The following TMEM131L variants were observed in gnomAD, a reference collection of about 807,000 sequenced individuals.
The protein encoded by TMEM131L is transmembrane protein 131-like.
Under a neutral mutation model 192.2 loss-of-function variants are expected in TMEM131L, and 54 were observed. The observed-to-expected ratio is 0.28, with a 90% CI of 0.23 to 0.35. TMEM131L has a LOEUF of 0.35. Among genes scored for constraint, TMEM131L ranks in the 10% least tolerant of loss-of-function variants. TMEM131L has a pLI of 1.00. For missense variants in TMEM131L, 1,888 were observed against 1,972.9 expected, an observed-to-expected ratio of 0.96 and a Z score of 0.82; for synonymous variants, 701 against 704.9, an observed-to-expected ratio of 0.99 and a Z score of 0.09.
intron 3 of TMEM131L, among the ~76,000 whole-genome samples, chr4:153,500,275 A>G (rs577998447): frequency 1.3e-5 from 2 of 151,838 alleles, no homozygotes; most frequent in African/African-American, 4.8e-5. Flanking sequence ...GCTAATTTTT[A>G]TATATTCCTT....
chr4:153,531,728 T>C (rs908403180), intron 3 of TMEM131L, among the ~76,000 whole-genome samples: 3 of 152,184 alleles, frequency 2.0e-5, no homozygotes, highest in East Asian at 1.9e-4. Flanking sequence ...TTATTTAAAA[T>C]CCGGAAATGC....
chr4:153,489,344 C>G (rs1299363752), intron 3 of TMEM131L, among the ~76,000 whole-genome samples: 1 of 152,184 alleles, frequency 6.6e-6, no homozygotes, highest in Non-Finnish European at 1.5e-5. Context: ...CTGCAAAACC[C>G]ACGCAGTTTC....
chr4:153,542,282 G>A (rs1736846179), intron 3 of TMEM131L, among the ~76,000 whole-genome samples: 1 of 152,182 alleles, frequency 6.6e-6, no homozygotes, highest in Admixed American at 6.5e-5. Flanking sequence ...AGGTAGTGGG[G>A]AGGTTTCCTG....
At chr4:153,469,895 C>T (rs944574306) in intron 2 of TMEM131L, among the ~76,000 whole-genome samples, 17 of 152,030 alleles carry the variant, frequency 1.1e-4, no homozygotes, top group African/African-American at 4.1e-4. Flanking sequence ...TGAAGCACTC[C>T]AGCCTGGGCA....
At chr4:153,596,192 T>A (rs1282035992) in intron 19 of TMEM131L, 66 bp from the exon 20 acceptor site, 4 of 1,568,008 alleles carry the variant, frequency 2.6e-6, no homozygotes, top group Non-Finnish European at 3.5e-6. Flanking sequence ...AACTCTAGGA[T>A]GCACTTAATG....
chr4:153,562,611 G>A (rs76297654), intron 7 of TMEM131L, among the ~76,000 whole-genome samples: 3,761 of 152,268 alleles, frequency 0.025, 150 homozygotes, highest in African/African-American at 0.085. Context: ...GGGTTGGGGA[G>A]TTAGTGGATT....
chr4:153,582,748 G>C (rs1561212893), intron 9 of TMEM131L, among the ~76,000 whole-genome samples: 1 of 152,076 alleles, frequency 6.6e-6, no homozygotes, highest in African/African-American at 2.4e-5. Flanking sequence ...CACTTCTGTG[G>C]GTGAGGGCTA....
chr4:153,583,824 A>G lies in TMEM131L; in HGVS notation c.1060+152A>G, dbSNP rs1578799618. On this transcript the variant is annotated intron_variant, in intron 11 of 34. Coordinates refer to ENST00000409959, the MANE Select transcript of TMEM131L (RefSeq NM_001131007.2). The stretch of plus-strand genomic sequence containing the variant: ...GTCCCAGCCTTAGTAGTTCTAAGAT[A>G]GTATGATGTAGAAACTATTGTTGAT... 12 of 600,296 alleles carry G rather than the reference A, an allele frequency of 2.0e-5. No homozygotes were observed. The South Asian group carries it at 2.4e-4, about 12-fold the overall frequency. 37.2% of individuals were successfully genotyped at this position (600,296 alleles called of 1,614,324 possible). A position where few individuals can be genotyped will look rare whatever the true frequency, so the allele number is the denominator to read the frequency against.
rs1293365556 is a variant in TMEM131L at position 153,604,482 on chromosome 4, T to G, written c.3418+52T>G. The G allele has an allele frequency of 2.0e-6, 3 of 1,506,514 alleles. No individual in the cohort carries two copies. In the African/African-American group the frequency reaches 4.2e-5, roughly 21 times the overall value. 93.3% of individuals were successfully genotyped at this position (1,506,514 alleles called of 1,614,324 possible). ...TCTCTCCTGTTTGTACCCAGTCTGT[T>G]TTTAATGGAATTGTTCTCACCTGTG... is the stretch of plus-strand genomic sequence containing the variant. On this transcript the variant is annotated intron_variant, in intron 25 of 34. Coordinates refer to ENST00000409959, the MANE Select transcript of TMEM131L (RefSeq NM_001131007.2).
intron 3 of TMEM131L, among the ~76,000 whole-genome samples, chr4:153,528,636 C>T (rs1259976020): frequency 6.6e-6 from 1 of 152,158 alleles, no homozygotes; most frequent in Admixed American, 6.5e-5. Context: ...AGAACCTGGT[C>T]TCTTATAGGT....
intron 3 of TMEM131L, among the ~76,000 whole-genome samples, chr4:153,487,364 A>C (rs1045276393): frequency 2.6e-5 from 4 of 151,988 alleles, no homozygotes; most frequent in African/African-American, 7.3e-5. Flanking sequence ...TAGCTGGTGG[A>C]TCGAGTGTGT....
intron 3 of TMEM131L, among the ~76,000 whole-genome samples, chr4:153,527,518 C>A (rs1304727114): frequency 6.6e-6 from 1 of 150,944 alleles, no homozygotes; most frequent in African/African-American, 2.5e-5. Context: ...CTCAAGTGAT[C>A]CGCTTGCCTT....
At chr4:153,560,070 G>T (rs1580215004) in intron 7 of TMEM131L, among the ~76,000 whole-genome samples, 2 of 151,944 alleles carry the variant, frequency 1.3e-5, no homozygotes, top group African/African-American at 4.8e-5. Flanking sequence ...ACTCACACTT[G>T]AGCTCTTCAG....
At chr4:153,524,718 G>A (rs946183462) in intron 3 of TMEM131L, among the ~76,000 whole-genome samples, 4 of 152,162 alleles carry the variant, frequency 2.6e-5, no homozygotes, top group African/African-American at 9.7e-5. Flanking sequence ...TGGCCTGGAG[G>A]AGGAGAAATT....
intron 3 of TMEM131L, among the ~76,000 whole-genome samples, chr4:153,511,623 A>G (rs1291476230): frequency 1.3e-5 from 2 of 152,130 alleles, no homozygotes; most frequent in Non-Finnish European, 2.9e-5. Flanking sequence ...TGAACTGAAA[A>G]GTTCTTCCTT....
At chr4:153,508,461 A>C (rs1734131292) in intron 3 of TMEM131L, among the ~76,000 whole-genome samples, 1 of 152,132 alleles carries the variant, frequency 6.6e-6, no homozygotes, top group African/African-American at 2.4e-5. Flanking sequence ...TTCCATCTGA[A>C]TCCTAAGTTC....
intron 33 of TMEM131L, among the ~76,000 whole-genome samples, chr4:153,634,918 A>G (rs1472614964): frequency 6.6e-6 from 1 of 152,188 alleles, no homozygotes; most frequent in Non-Finnish European, 1.5e-5. Context: ...CTAGATTTTG[A>G]TACATGCATT....
In TMEM131L at chr4:153,585,610, A is replaced by G; in HGVS notation, c.1310A>G (p.Lys437Arg). Reference sequence around the variant, plus strand: ...TCCAAGGAGACCAAGCACATGTTAAAGGTACATATAGTATTTTTTCCCCAA... The same window carrying G: ...TCCAAGGAGACCAAGCACATGTTAAGGGTACATATAGTATTTTTTCCCCAA... ...FLSKETKHML[K>R]ILNFTGPLFL... Residue 437 changes from lysine (K) to arginine (R), a missense_variant and splice_region_variant, in exon 13 of 35, where the codon AAG becomes AGG. Transcript: ENST00000409959. 6.3e-7 allele frequency: 1 copy of G among 1,591,820 alleles called. No homozygotes were observed.
At chr4:153,510,046 A>G (rs968343214) in intron 3 of TMEM131L, among the ~76,000 whole-genome samples, 20 of 152,234 alleles carry the variant, frequency 1.3e-4, no homozygotes, top group Admixed American at 1.3e-3. Flanking sequence ...GAAAGTGTAT[A>G]GAAGCACTTG....
Sources: gnomAD v4.1 joint callset for allele counts (sites outside exome capture counted in the v4.1 genomes callset) on GRCh38, gnomAD v4.1.1 for gene constraint, MANE v1.5 for transcripts, NCBI Gene and HGNC (gene_info 2026-07-23, HGNC 2026-07-21) for gene names.